DLC1: variants seen among roughly 807,000 people sequenced by gnomAD.
DLC1 encodes the protein rho GTPase-activating protein 7.
A neutral mutation model predicts 140.3 loss-of-function variants in DLC1; 54 were observed. That is an observed-to-expected ratio of 0.38 (90% confidence interval 0.31 to 0.48). The LOEUF is 0.48. Ranked by LOEUF, DLC1 falls within the 20% of genes least tolerant of loss-of-function variation. The probability of loss-of-function intolerance (pLI) is 0.96; values close to 1 mark genes in which losing one functional copy is unlikely to be tolerated. For synonymous variants in DLC1, 986 were observed against 728.1 expected, an observed-to-expected ratio of 1.35 and a Z score of -5.70; for missense variants, 2,536 against 1,907.0, an observed-to-expected ratio of 1.33 and a Z score of -6.14.
chr8:13,426,659 G>A (rs1276596644), intron 2 of DLC1, among the ~76,000 whole-genome samples: 2 of 152,126 alleles, frequency 1.3e-5, no homozygotes, highest in East Asian at 3.9e-4. Context: ...AGACTTAGTA[G>A]GGGCAACATA....
chr8:13,135,099 G>A (rs1286617976), intron 5 of DLC1, among the ~76,000 whole-genome samples: 1 of 152,174 alleles, frequency 6.6e-6, no homozygotes, highest in Non-Finnish European at 1.5e-5. Flanking sequence ...ACCAGCAAGG[G>A]GGAGTGTGAT....
chr8:13,377,841 A>G (rs930483717), intron 4 of DLC1, among the ~76,000 whole-genome samples: 1 of 152,046 alleles, frequency 6.6e-6, no homozygotes, highest in South Asian at 2.1e-4. Flanking sequence ...TTGGCCTCCT[A>G]TTTCGAGTCT....
intron 7 of DLC1, among the ~76,000 whole-genome samples, chr8:13,109,768 C>T (rs952558881): frequency 6.6e-6 from 1 of 151,730 alleles, no homozygotes; most frequent in Non-Finnish European, 1.5e-5. Flanking sequence ...GCCTGTAATC[C>T]TAGCTACTTG....
intron 5 of DLC1, among the ~76,000 whole-genome samples, chr8:13,257,244 T>C (rs1830269683): frequency 6.6e-6 from 1 of 151,080 alleles, no homozygotes; most frequent in Non-Finnish European, 1.5e-5. Flanking sequence ...GAAACCAACC[T>C]GGGCAACATA....
intron 4 of DLC1, among the ~76,000 whole-genome samples, chr8:13,348,069 A>G (rs1424457367): frequency 6.8e-5 from 10 of 146,842 alleles, no homozygotes; most frequent in Non-Finnish European, 6.0e-5. Context: ...AGCCTGGGCG[A>G]CAGAGCAAGA....
At chr8:13,269,914 A>T (rs940033611) in intron 5 of DLC1, among the ~76,000 whole-genome samples, 1 of 151,212 alleles carries the variant, frequency 6.6e-6, no homozygotes, top group Non-Finnish European at 1.5e-5. Flanking sequence ...AAAAAAAAAA[A>T]AAATTAGGTG....
Position 13,453,564 on chromosome 8 carries a change from T to G in DLC1, c.1023+45485A>C, listed in dbSNP as rs1299181855. Among the ~76,000 whole-genome samples, 5 of 108,842 alleles carry G rather than the reference T, an allele frequency of 4.6e-5. No homozygotes were observed. In the East Asian group the frequency reaches 1.2e-3, roughly 27 times the overall value. 71.4% of individuals were successfully genotyped at this position (108,842 alleles called of 152,430 possible). On this transcript the variant is annotated intron_variant, in intron 2 of 17. Coordinates refer to ENST00000276297, the MANE Select transcript of DLC1 (RefSeq NM_182643.3). ...CATATATATATATATATATTTTTTTTTTTTTTTTTTCAGATAGAAATGTTT... is the reference window on the plus strand; with the variant it reads ...CATATATATATATATATATTTTTTTGTTTTTTTTTTCAGATAGAAATGTTT...
chr8:13,246,593 A>G (rs1829773208), intron 5 of DLC1, among the ~76,000 whole-genome samples: 1 of 152,198 alleles, frequency 6.6e-6, no homozygotes, highest in African/African-American at 2.4e-5. Flanking sequence ...ACAGCAATTC[A>G]TATCAATGCA....
intron 5 of DLC1, among the ~76,000 whole-genome samples, chr8:13,154,439 C>T (rs1287770772): frequency 2.6e-5 from 4 of 152,212 alleles, no homozygotes; most frequent in South Asian, 2.1e-4. Flanking sequence ...TGCTGGCCTG[C>T]GTGCTAAGCC....
At chr8:13,406,181 G>GTTTTTTTTTTTGTTTTTTTTTTT (rs1554514491) in intron 2 of DLC1, among the ~76,000 whole-genome samples, 5 of 84,956 alleles carry the variant, frequency 5.9e-5, no homozygotes, top group African/African-American at 2.4e-4. Context: ...TAATTTTTGT[G>GTTTTTTTTTTTGTTTTTTTTTTT]TTTTTTTTTT....
At chr8:13,435,736 G>A (rs1464019258) in intron 2 of DLC1, among the ~76,000 whole-genome samples, 2 of 152,204 alleles carry the variant, frequency 1.3e-5, no homozygotes, top group African/African-American at 4.8e-5. Context: ...CAAAAATTTA[G>A]TTGACAAAGG....
At chr8:13,094,478 C>G (rs1288704934) in intron 12 of DLC1, among the ~76,000 whole-genome samples, 2 of 152,058 alleles carry the variant, frequency 1.3e-5, no homozygotes, top group African/African-American at 4.8e-5. Flanking sequence ...CCATCCTGGC[C>G]AATATGGTGA....
intron 2 of DLC1, among the ~76,000 whole-genome samples, chr8:13,481,449 A>G (rs1338572734): frequency 6.6e-6 from 1 of 152,160 alleles, no homozygotes; most frequent in Admixed American, 6.5e-5. Flanking sequence ...AATAAATAAA[A>G]CAAACAAACA....
chr8:13,384,300 C>G (rs1254926928), intron 4 of DLC1, among the ~76,000 whole-genome samples: 1 of 148,566 alleles, frequency 6.7e-6, no homozygotes, highest in Non-Finnish European at 1.5e-5. Context: ...GGAAGCAGAA[C>G]ACTCCCACCC....
chr8:13,286,929 A>C (rs1831554042), intron 5 of DLC1, among the ~76,000 whole-genome samples: 1 of 152,222 alleles, frequency 6.6e-6, no homozygotes, highest in Admixed American at 6.5e-5. Flanking sequence ...GCAAACTTCA[A>C]GGGAAAGAGG....
intron 5 of DLC1, among the ~76,000 whole-genome samples, chr8:13,274,742 T>A (rs1318598677): frequency 1.3e-5 from 2 of 152,214 alleles, no homozygotes; most frequent in Non-Finnish European, 2.9e-5. Flanking sequence ...ATGTTTGAAT[T>A]AGTCTTACTT....
At chr8:13,241,736 C>G (rs1829553148) in intron 5 of DLC1, among the ~76,000 whole-genome samples, 1 of 152,154 alleles carries the variant, frequency 6.6e-6, no homozygotes, top group Non-Finnish European at 1.5e-5. Flanking sequence ...GAGAGGTATT[C>G]TTCCATGGAG....
At position 13,535,686 on chromosome 8, in the gene DLC1, A is replaced by AAG. The variant is rs1387246153; in HGVS notation, c.-125-35491_-125-35490insCT. The stretch of plus-strand genomic sequence containing the variant: ...TTGCTCATTAAAAAAAAAAAAAAAG[A>AAG]AAAGAAAACAACAACCCTCCTCCAA... On this transcript the variant is annotated intron_variant, in intron 1 of 1. Coordinates refer to the DLC1 transcript ENST00000631382. 2.5e-4 allele frequency among the ~76,000 whole-genome samples: 36 copies of AAG among 145,856 alleles called. 2 individuals are homozygous for AAG. Among genetic ancestry groups the AAG allele is most frequent in the Admixed American group, 1.6e-3 (24 of 14,656 alleles).
At chr8:13,174,165 A>T (rs1466642389) in intron 5 of DLC1, among the ~76,000 whole-genome samples, 1 of 152,152 alleles carries the variant, frequency 6.6e-6, no homozygotes, top group African/African-American at 2.4e-5. Flanking sequence ...CTCCAGCTGC[A>T]TCATCCATGT....
Sources: gnomAD v4.1 joint callset for allele counts (sites outside exome capture counted in the v4.1 genomes callset) on GRCh38, gnomAD v4.1.1 for gene constraint, MANE v1.5 for transcripts, NCBI Gene and HGNC (gene_info 2026-07-23, HGNC 2026-07-21) for gene names.